TNNI3K: variants seen among roughly 807,000 people sequenced by gnomAD.
TNNI3K encodes the protein TNNI3 interacting kinase.
TNNI3K carries 140 observed loss-of-function variants against 114.5 expected under a neutral mutation model. The observed-to-expected ratio is 1.22, with a 90% confidence interval of 1.07 to 1.41. The LOEUF (loss-of-function observed/expected upper bound fraction) is 1.41, where lower values mean the gene tolerates loss of function less well. TNNI3K is among the 40% of genes most tolerant of loss of function. The pLI, the probability that TNNI3K is intolerant of heterozygous loss-of-function variation, is 0.00. For missense variants in TNNI3K, 1,125 were observed against 1,007.6 expected, an observed-to-expected ratio of 1.12 and a Z score of -1.58; for synonymous variants, 347 against 347.5, an observed-to-expected ratio of 1.00 and a Z score of 0.02.
intron 4 of TNNI3K, among the ~76,000 whole-genome samples, chr1:74,264,037 C>A (rs929222795): frequency 6.6e-6 from 1 of 151,432 alleles, no homozygotes; most frequent in African/African-American, 2.4e-5. Context: ...TTGGAGGCAG[C>A]CTGCAGGAAT....
chr1:74,340,494 A>AT (rs1660698537), intron 7 of TNNI3K, among the ~76,000 whole-genome samples: 2 of 152,146 alleles, frequency 1.3e-5, no homozygotes, highest in South Asian at 4.1e-4. Flanking sequence ...TATACGCATA[A>AT]ATTCTATGTC....
intron 20 of TNNI3K, among the ~76,000 whole-genome samples, chr1:74,456,159 G>A (rs1048056460): frequency 1.3e-5 from 2 of 152,198 alleles, no homozygotes; most frequent in Non-Finnish European, 2.9e-5. Flanking sequence ...TGAAGCAGTA[G>A]CTTTGAAAGA....
chr1:74,351,574 T>G lies in TNNI3K; in HGVS notation c.933-1692T>G, dbSNP rs576149179. On this transcript the variant is annotated intron_variant, in intron 9 of 24. Transcript: ENST00000326637. ...TCCTGCAGAGTGTTTTCCAACTTGG[T>G]TCCATTCTCCCTGTCACTTTCAGGT... 9.2e-5 allele frequency among the ~76,000 whole-genome samples: 14 copies of G among 152,308 alleles called. No individual in the cohort carries two copies. The South Asian group carries it at 2.3e-3, about 25-fold the overall frequency.
chr1:74,266,496 G>A (rs520554), intron 4 of TNNI3K, among the ~76,000 whole-genome samples: 151,681 of 152,080 alleles, frequency 1, 75,643 homozygotes, highest in Non-Finnish European at 1. Context: ...AGGGGAAGGG[G>A]CATAGATAGC....
chr1:74,351,563 T>C (rs1279492619), intron 9 of TNNI3K, among the ~76,000 whole-genome samples: 2 of 152,332 alleles, frequency 1.3e-5, no homozygotes, highest in East Asian at 3.9e-4. Flanking sequence ...GCAGAGTGTT[T>C]TCCAACTTGG....
At chr1:74,276,973 T>G (rs1656721372) in intron 5 of TNNI3K, among the ~76,000 whole-genome samples, 1 of 152,276 alleles carries the variant, frequency 6.6e-6, no homozygotes, top group South Asian at 2.1e-4. Flanking sequence ...TCTCTTTGAC[T>G]GATACATCCA....
At chr1:74,421,533 G>A (rs886585759) in intron 17 of TNNI3K, among the ~76,000 whole-genome samples, 1 of 152,076 alleles carries the variant, frequency 6.6e-6, no homozygotes, top group African/African-American at 2.4e-5. Context: ...TAGAGCTGTG[G>A]TAAAGTCTAA....
chr1:74,427,228 A>G (rs543760837), intron 17 of TNNI3K, among the ~76,000 whole-genome samples: 2 of 151,964 alleles, frequency 1.3e-5, no homozygotes, highest in South Asian at 4.2e-4. Flanking sequence ...AATTTTTAGT[A>G]TATTCAAAAC....
intron 23 of TNNI3K, among the ~76,000 whole-genome samples, chr1:74,511,434 G>A (rs1293032708): frequency 6.6e-6 from 1 of 152,120 alleles, no homozygotes; most frequent in Non-Finnish European, 1.5e-5. Context: ...CTGACCTCAA[G>A]TAATTCACTC....
At chr1:74,520,861 A>G (rs1391147057) in intron 23 of TNNI3K, among the ~76,000 whole-genome samples, 1 of 152,152 alleles carries the variant, frequency 6.6e-6, no homozygotes, top group East Asian at 1.9e-4. Context: ...TGGAAGGTAC[A>G]TATGGAGCTG....
rs201769579 is a variant in TNNI3K, at chr1:74,342,907, A to G, written c.748A>G (p.Ile250Val). Residue 250 changes from isoleucine to valine, a missense_variant, in exon 8 of 25, where the codon ATA (isoleucine) becomes GTA (valine). Transcript: ENST00000326637. Reference sequence around the variant, plus strand: ...CTGTTCTCGATTTGGACACCATGATATAGTTAAGTATCTGCTGCAAAGTGA... The same window carrying G: ...CTGTTCTCGATTTGGACACCATGATGTAGTTAAGTATCTGCTGCAAAGTGA... Reference protein sequence around the residue: ...HFCSRFGHHDIVKYLLQSDLE... With the variant: ...HFCSRFGHHDVVKYLLQSDLE... 2.2e-5 allele frequency: 36 copies of G among 1,613,780 alleles called. No individual in the cohort carries two copies. The highest frequency in any genetic ancestry group is 1.6e-4 in the Middle Eastern group (1 of 6,084).
At chr1:74,360,332 G>A (rs996231719) in intron 11 of TNNI3K, among the ~76,000 whole-genome samples, 2 of 151,854 alleles carry the variant, frequency 1.3e-5, no homozygotes, top group African/African-American at 4.8e-5. Flanking sequence ...AACACACAGA[G>A]ACTTTATTGT....
chr1:74,516,245 C>T (rs1212127510), intron 23 of TNNI3K, among the ~76,000 whole-genome samples: 2 of 152,224 alleles, frequency 1.3e-5, no homozygotes, highest in Non-Finnish European at 2.9e-5. Context: ...TTGAAGACTA[C>T]TCAATGAATG....
rs572088685 is a variant in TNNI3K at position 74,433,740 on chromosome 1, T to C, written c.1773-2340T>C. ...GAATGTGACCTCAATGTGATAAATG[T>C]TATAGTTGTTTATCAGGTGGGTCTA... On this transcript the variant is annotated intron_variant, in intron 17 of 24. Coordinates refer to ENST00000326637, the MANE Select transcript of TNNI3K (RefSeq NM_015978.3). Among the ~76,000 whole-genome samples the C allele has an allele frequency of 5.3e-5, 8 of 152,166 alleles. No individual in the cohort carries two copies. The South Asian group carries it at 1.7e-3, about 32-fold the overall frequency.
intron 5 of TNNI3K, among the ~76,000 whole-genome samples, chr1:74,290,644 A>G (rs755172367): frequency 1.3e-5 from 2 of 151,808 alleles, no homozygotes; most frequent in Admixed American, 6.6e-5. Context: ...AGACACATAT[A>G]AAGACTTTGT....
chr1:74,473,122 C>T (rs896114484), intron 21 of TNNI3K, among the ~76,000 whole-genome samples: 1 of 152,030 alleles, frequency 6.6e-6, no homozygotes, highest in African/African-American at 2.4e-5. Context: ...ATAGTAATAC[C>T]ATTAATTGAG....
intron 23 of TNNI3K, among the ~76,000 whole-genome samples, chr1:74,507,005 A>G (rs985779161): frequency 6.6e-6 from 1 of 152,190 alleles, no homozygotes; most frequent in Non-Finnish European, 1.5e-5. Flanking sequence ...TGTAATACCA[A>G]TTGACAAGGT....
rs45522635 is a variant in TNNI3K, at chr1:74,493,013, A to G, written c.2351+747A>G. ...CCTTTATCTTCTTATAAGGGCACCA[A>G]CTCTACTGGATCAGGGCTTTACATT... On this transcript the variant is annotated intron_variant, in intron 23 of 24. Coordinates refer to ENST00000326637, the MANE Select transcript of TNNI3K (RefSeq NM_015978.3). Among the ~76,000 whole-genome samples the G allele has an allele frequency of 1.9e-3, 284 of 152,148 alleles. 1 individual carries two copies. The highest frequency in any genetic ancestry group is 5.9e-3 in the African/African-American group (244 of 41,502).
chr1:74,236,865 C>T (rs1653888702), intron 2 of TNNI3K, among the ~76,000 whole-genome samples: 1 of 151,774 alleles, frequency 6.6e-6, no homozygotes, highest in Non-Finnish European at 1.5e-5. Flanking sequence ...TTGAATCTGA[C>T]ATTGAGAAAC....
Sources: allele counts gnomAD v4.1 joint callset (sites outside exome capture counted in the v4.1 genomes callset), GRCh38; gene constraint gnomAD v4.1.1; transcripts MANE v1.5; gene names NCBI Gene and HGNC (gene_info 2026-07-23, HGNC 2026-07-21).